Variants in ERC2 observed in about 807,000 individuals in gnomAD.
ERC2 encodes ELKS/RAB6-interacting/CAST family member 2.
A neutral mutation model predicts 114.8 loss-of-function variants in ERC2; 42 were observed. The ratio of observed to expected loss-of-function variants is 0.37; its 90% confidence interval spans 0.29 to 0.47. ERC2 has a LOEUF of 0.47. Ranked by LOEUF, ERC2 falls within the 20% of genes least tolerant of loss-of-function variation. The probability of loss-of-function intolerance (pLI) is 0.99; values close to 1 mark genes in which losing one functional copy is unlikely to be tolerated. For missense variants in ERC2, 939 were observed against 1,150.7 expected (o/e 0.82, Z 2.66); for synonymous variants, 454 against 425.5 (o/e 1.07, Z -0.82).
chr3:56,406,673 C>T (rs541063585), intron 2 of ERC2, among the ~76,000 whole-genome samples: 1 of 152,242 alleles, frequency 6.6e-6, no homozygotes, highest in Admixed American at 6.5e-5. Flanking sequence ...CCCTACAGTG[C>T]CTAGGAGAGC....
At chr3:55,610,801 T>G (rs2058880672) in intron 17 of ERC2, 1 of 152,116 alleles carries the variant, frequency 6.6e-6, no homozygotes, top group Admixed American at 6.5e-5. Context: ...CAAATAGAAA[T>G]AATTTTATCT....
chr3:55,920,927 T>C (rs1488479615), intron 13 of ERC2, among the ~76,000 whole-genome samples: 1 of 151,940 alleles, frequency 6.6e-6, no homozygotes, highest in East Asian at 1.9e-4. Flanking sequence ...ATGCCCAAGG[T>C]CACACAGCTA....
intron 17 of ERC2, among the ~76,000 whole-genome samples, chr3:55,554,098 A>G (rs2055424122): frequency 6.6e-6 from 1 of 152,170 alleles, no homozygotes. Flanking sequence ...TCTGAGAGGA[A>G]ATAATACACA....
intron 14 of ERC2, among the ~76,000 whole-genome samples, chr3:55,754,395 A>G (rs2066916133): frequency 6.6e-6 from 1 of 151,672 alleles, no homozygotes; most frequent in East Asian, 2.0e-4. Context: ...CAGTGTAACT[A>G]AGACATTTCT....
intron 12 of ERC2, among the ~76,000 whole-genome samples, chr3:55,962,982 G>A (rs1189899342): frequency 1.3e-5 from 2 of 152,188 alleles, no homozygotes; most frequent in Non-Finnish European, 2.9e-5. Flanking sequence ...GGACGCCCCT[G>A]GCCAGTAGCT....
At chr3:56,274,240 C>T (rs1037733858) in intron 3 of ERC2, among the ~76,000 whole-genome samples, 1 of 152,214 alleles carries the variant, frequency 6.6e-6, no homozygotes, top group African/African-American at 2.4e-5. Flanking sequence ...CTGCATGCTA[C>T]TTATGAGAAT....
intron 14 of ERC2, among the ~76,000 whole-genome samples, chr3:55,834,895 C>T (rs1399280800): frequency 6.8e-6 from 1 of 146,628 alleles, no homozygotes; most frequent in Admixed American, 6.8e-5. Flanking sequence ...CAAATAGACG[C>T]AATAAAAAAT....
intron 17 of ERC2, among the ~76,000 whole-genome samples, chr3:55,617,195 T>G (rs1175596061): frequency 6.6e-6 from 1 of 152,222 alleles, no homozygotes; most frequent in Admixed American, 6.5e-5. Flanking sequence ...TCCCTTCTCA[T>G]GCAAGGGGCT....
At chr3:55,817,422 G>A (rs1009945409) in intron 14 of ERC2, among the ~76,000 whole-genome samples, 3 of 152,124 alleles carry the variant, frequency 2.0e-5, no homozygotes, top group African/African-American at 2.4e-5. Context: ...ATCCCCAATT[G>A]GACACTCCTG....
chr3:56,309,093 G>C (rs2056393910), intron 2 of ERC2, among the ~76,000 whole-genome samples: 1 of 152,226 alleles, frequency 6.6e-6, no homozygotes, highest in African/African-American at 2.4e-5. Context: ...TGTGGCCCCA[G>C]TGTGTGGTGG....
chr3:56,406,938 C>A (rs11130519), intron 2 of ERC2, among the ~76,000 whole-genome samples: 54,706 of 152,046 alleles, frequency 0.36, 10,160 homozygotes, highest in Admixed American at 0.49. Context: ...AGTTCAAAGT[C>A]AATGAGAATC....
At chr3:55,833,324 G>A (rs1201378447) in intron 14 of ERC2, among the ~76,000 whole-genome samples, 1 of 150,952 alleles carries the variant, frequency 6.6e-6, no homozygotes, top group Non-Finnish European at 1.5e-5. Context: ...CAACAAAGTG[G>A]AAATGAAGGA....
chr3:55,575,331 T>C (rs2056921769), intron 17 of ERC2, among the ~76,000 whole-genome samples: 1 of 152,188 alleles, frequency 6.6e-6, no homozygotes, highest in African/African-American at 2.4e-5. Context: ...AGGCCAGAGG[T>C]GCACTTTCCC....
At chr3:55,704,437 T>C (rs1417838967) in intron 15 of ERC2, among the ~76,000 whole-genome samples, 1 of 152,218 alleles carries the variant, frequency 6.6e-6, no homozygotes, top group Non-Finnish European at 1.5e-5. Context: ...TACTGTACAA[T>C]AGCAATTACT....
chr3:55,697,991 G>A (rs1421993514), intron 16 of ERC2, among the ~76,000 whole-genome samples: 7 of 151,910 alleles, frequency 4.6e-5, no homozygotes, highest in Non-Finnish European at 8.8e-5. Context: ...TAGTGGTGGT[G>A]GTGGTGATGG....
chr3:55,665,841 A>C (rs964003502), intron 17 of ERC2, among the ~76,000 whole-genome samples: 1 of 152,162 alleles, frequency 6.6e-6, no homozygotes. Context: ...GCTTCCATAC[A>C]TGGACTCTGC....
chr3:56,065,834 T>C (rs2076451979), intron 7 of ERC2, among the ~76,000 whole-genome samples: 2 of 152,198 alleles, frequency 1.3e-5, no homozygotes, highest in Non-Finnish European at 2.9e-5. Flanking sequence ...TTGCTGAGGA[T>C]GATGGCTTCC....
At chr3:56,078,601 C>T (rs143050057) in intron 7 of ERC2, among the ~76,000 whole-genome samples, 288 of 152,206 alleles carry the variant, frequency 1.9e-3, no homozygotes, top group African/African-American at 6.4e-3. Context: ...TTGCATAGCT[C>T]GGTCCTTGAA....
At chr3:55,873,537 A>G (rs1215730434) in intron 14 of ERC2, among the ~76,000 whole-genome samples, 1 of 152,256 alleles carries the variant, frequency 6.6e-6, no homozygotes, top group Non-Finnish European at 1.5e-5. Flanking sequence ...TGTCATTTCC[A>G]TTCAATGAGT....
Sources: allele counts gnomAD v4.1 joint callset (sites outside exome capture counted in the v4.1 genomes callset), GRCh38; gene constraint gnomAD v4.1.1; transcripts MANE v1.5; gene names NCBI Gene and HGNC (gene_info 2026-07-23, HGNC 2026-07-21).